The following LINGO2 variants were observed in gnomAD, a reference collection of about 807,000 sequenced individuals.
LINGO2 encodes the protein leucine rich repeat and Ig domain containing 2, also known as leucine-rich repeat and immunoglobulin-like domain-containing nogo receptor-interacting protein 2.
LINGO2 carries 14 observed loss-of-function variants against 30.6 expected under a neutral mutation model. The observed-to-expected ratio is 0.46, with a 90% confidence interval of 0.30 to 0.72. LINGO2 has a LOEUF of 0.72. Among genes scored for constraint, LINGO2 ranks in the 30% least tolerant of loss-of-function variants. The probability of loss-of-function intolerance (pLI) is 0.07; values close to 1 mark genes in which losing one functional copy is unlikely to be tolerated. For missense variants in LINGO2, 729 were observed against 751.7 expected, an observed-to-expected ratio of 0.97 and a Z score of 0.35; for synonymous variants, 317 against 288.5, an observed-to-expected ratio of 1.10 and a Z score of -1.00.
intron 3 of LINGO2, among the ~76,000 whole-genome samples, chr9:28,349,327 A>G (rs1819745715): frequency 6.9e-6 from 1 of 144,724 alleles, no homozygotes; most frequent in Admixed American, 7.0e-5. Flanking sequence ...GCTGAAAACC[A>G]AGGCTCGAGA....
the LINGO2 span, among the ~76,000 whole-genome samples, chr9:28,764,244 T>A: frequency 6.6e-6 from 1 of 151,548 alleles, no homozygotes; most frequent in Non-Finnish European, 1.5e-5. Flanking sequence ...TAAAAATAGA[T>A]GAAAAAATCC....
At chr9:28,983,154 C>T in the LINGO2 span, among the ~76,000 whole-genome samples, 2 of 151,842 alleles carry the variant, frequency 1.3e-5, no homozygotes, top group Non-Finnish European at 2.9e-5. Context: ...AGCCTGTTTT[C>T]AGACTACTAG....
the LINGO2 span, among the ~76,000 whole-genome samples, chr9:28,913,480 G>A: frequency 6.6e-5 from 10 of 151,974 alleles, no homozygotes; most frequent in African/African-American, 9.6e-5. Flanking sequence ...AATACTTTAC[G>A]TTATACAATA....
chr9:28,231,122 TG>T (rs1277191875), intron 4 of LINGO2, among the ~76,000 whole-genome samples: 1 of 151,658 alleles, frequency 6.6e-6, no homozygotes, highest in Non-Finnish European at 1.5e-5. Context: ...ATAAAATGTT[TG>T]ACAGTGGGAT....
the LINGO2 span, among the ~76,000 whole-genome samples, chr9:29,060,260 A>G: frequency 6.6e-6 from 1 of 152,054 alleles, no homozygotes; most frequent in African/African-American, 2.4e-5. Context: ...ACCAGAGAAT[A>G]TGGTGAGCAT....
At chr9:29,108,330 TC>T in the LINGO2 span, among the ~76,000 whole-genome samples, 1 of 152,148 alleles carries the variant, frequency 6.6e-6, no homozygotes, top group African/African-American at 2.4e-5. Flanking sequence ...TTCCCATTTG[TC>T]TAGTTATAAA....
the LINGO2 span, among the ~76,000 whole-genome samples, chr9:29,089,530 T>C: frequency 6.6e-6 from 1 of 152,066 alleles, no homozygotes; most frequent in African/African-American, 2.4e-5. Context: ...TTTTAAACAA[T>C]TTCTTCAACC....
intron 2 of LINGO2, among the ~76,000 whole-genome samples, chr9:28,379,670 A>G (rs1022165396): frequency 2.6e-5 from 4 of 152,084 alleles, no homozygotes; most frequent in African/African-American, 9.7e-5. Flanking sequence ...CTTTATTATT[A>G]TACCTGTAGT....
chr9:28,226,879 G>C (rs1195424056), intron 4 of LINGO2, among the ~76,000 whole-genome samples: 1 of 152,040 alleles, frequency 6.6e-6, no homozygotes, highest in Admixed American at 6.6e-5. Context: ...GCAATTTAAA[G>C]TGCAATTGAC....
the LINGO2 span, among the ~76,000 whole-genome samples, chr9:29,179,453 G>A: frequency 6.6e-6 from 1 of 151,950 alleles, no homozygotes; most frequent in East Asian, 1.9e-4. Context: ...CACCCAGGCT[G>A]GAGTGCAGTG....
chr9:28,178,797 T>A (rs999063277), intron 4 of LINGO2, among the ~76,000 whole-genome samples: 1 of 152,164 alleles, frequency 6.6e-6, no homozygotes, highest in Non-Finnish European at 1.5e-5. Context: ...AGCTGGAAGA[T>A]TTCCAATCCA....
At chr9:29,046,014 A>T in the LINGO2 span, among the ~76,000 whole-genome samples, 1 of 152,276 alleles carries the variant, frequency 6.6e-6, no homozygotes, top group South Asian at 2.1e-4. Context: ...GAAGTTGTTT[A>T]TCAGCTAGAG....
intron 5 of LINGO2, among the ~76,000 whole-genome samples, chr9:27,968,846 C>T (rs1205113397): frequency 6.6e-6 from 1 of 151,502 alleles, no homozygotes; most frequent in Non-Finnish European, 1.5e-5. Flanking sequence ...TTACCTCTAC[C>T]TTTAAAACAT....
chr9:28,806,559 C>T, the LINGO2 span, among the ~76,000 whole-genome samples: 1 of 152,104 alleles, frequency 6.6e-6, no homozygotes, highest in Non-Finnish European at 1.5e-5. Flanking sequence ...AGAATGAATG[C>T]TAACCTTATC....
At chr9:28,752,645 C>T in the LINGO2 span, among the ~76,000 whole-genome samples, 10 of 152,148 alleles carry the variant, frequency 6.6e-5, no homozygotes, top group African/African-American at 2.2e-4. Flanking sequence ...AGTCTTTTCT[C>T]CATATTCACC....
intron 4 of LINGO2, among the ~76,000 whole-genome samples, chr9:28,246,235 C>G (rs909544823): frequency 9.9e-5 from 15 of 152,028 alleles, no homozygotes; most frequent in African/African-American, 2.7e-4. Context: ...ACCAGCCTGA[C>G]CAACATGGTG....
At chr9:28,692,277 C>A in the LINGO2 span, among the ~76,000 whole-genome samples, 11 of 151,928 alleles carry the variant, frequency 7.2e-5, no homozygotes, top group Non-Finnish European at 1.3e-4. Flanking sequence ...GAGCTTGAGA[C>A]CAGCTTGGCC....
At chr9:28,666,409 G>A (rs1312030213) in intron 1 of LINGO2, among the ~76,000 whole-genome samples, 1 of 151,934 alleles carries the variant, frequency 6.6e-6, no homozygotes, top group Admixed American at 6.6e-5. Context: ...TCTGATTAAT[G>A]GCCAACACTT....
At chr9:29,164,219 C>T in the LINGO2 span, among the ~76,000 whole-genome samples, 3 of 152,088 alleles carry the variant, frequency 2.0e-5, no homozygotes, top group Non-Finnish European at 2.9e-5. Flanking sequence ...ATTATCCACC[C>T]CTTACCTTAG....
Sources: allele counts gnomAD v4.1 joint callset (sites outside exome capture counted in the v4.1 genomes callset), GRCh38; gene constraint gnomAD v4.1.1; transcripts MANE v1.5; gene names NCBI Gene and HGNC (gene_info 2026-07-23, HGNC 2026-07-21).